Variants in PAPSS2 observed in about 807,000 individuals in gnomAD.
PAPSS2 encodes the protein 3'-phosphoadenosine 5'-phosphosulfate synthase 2.
PAPSS2 carries 61 observed loss-of-function variants against 66.5 expected under a neutral mutation model. That is an observed-to-expected ratio of 0.92 (90% confidence interval 0.75 to 1.14). PAPSS2 has a LOEUF of 1.14. Among genes scored for constraint, PAPSS2 ranks in the 50% most tolerant of loss-of-function variants. The pLI is 0.00. For missense variants in PAPSS2, 708 were observed against 789.6 expected (o/e 0.90, Z 1.24); for synonymous variants, 289 against 287.5 (o/e 1.01, Z -0.05).
intron 1 of PAPSS2, among the ~76,000 whole-genome samples, chr10:87,689,901 C>T (rs1477570811): frequency 1.3e-5 from 2 of 152,032 alleles, no homozygotes; most frequent in African/African-American, 4.8e-5. Context: ...ATTGAAATAC[C>T]ATTGTTCATT....
chr10:87,674,528 A>C (rs573847606), intron 1 of PAPSS2, among the ~76,000 whole-genome samples: 2 of 152,188 alleles, frequency 1.3e-5, no homozygotes, highest in African/African-American at 4.8e-5. Context: ...GAAGACAGGC[A>C]ACAAACCACA....
chr10:87,664,422 T>C (rs1852790778), intron 1 of PAPSS2, among the ~76,000 whole-genome samples: 1 of 152,202 alleles, frequency 6.6e-6, no homozygotes, highest in Non-Finnish European at 1.5e-5. Flanking sequence ...TCTCCACCCT[T>C]CCTGTGCCTT....
chr10:87,684,466 C>T (rs565702569), intron 1 of PAPSS2, among the ~76,000 whole-genome samples: 7 of 152,340 alleles, frequency 4.6e-5, no homozygotes, highest in Non-Finnish European at 1.0e-4. Flanking sequence ...GTTCAGTTCA[C>T]AGTGTGACTT....
In PAPSS2 at chr10:87,701,404, TTCTC is replaced by T. The variant is rs60115570; in HGVS notation, c.28-7766_28-7763del. Reference sequence around the variant, plus strand: ...TCTTTCTTTCTTTCTTTCTCTTTCTTTCTCTCTCTCTCTCTCTCTCTCTCTCTCT... The same window carrying T: ...TCTTTCTTTCTTTCTTTCTCTTTCTTTCTCTCTCTCTCTCTCTCTCTCTCT... On this transcript the variant is annotated intron_variant, in intron 1 of 12. Transcript: ENST00000456849. Among the ~76,000 whole-genome samples, 537 of 57,844 alleles carry T rather than the reference TTCTC, an allele frequency of 9.3e-3. 25 individuals are homozygous for T. The highest frequency in any genetic ancestry group is 0.051 in the Admixed American group (215 of 4,188). 37.9% of individuals were successfully genotyped at this position (57,844 alleles called of 152,430 possible).
intron 9 of PAPSS2, among the ~76,000 whole-genome samples, chr10:87,728,966 T>C (rs144604058): frequency 7.2e-5 from 11 of 152,198 alleles, no homozygotes; most frequent in African/African-American, 2.6e-4. Flanking sequence ...ATTTTTATTT[T>C]TTAAAAATTT....
chr10:87,703,786 T>C (rs747387293), intron 1 of PAPSS2: 1 of 518,922 alleles, frequency 1.9e-6, no homozygotes, highest in Non-Finnish European at 3.8e-6. Context: ...TGCAAAATTG[T>C]CTTAGGGACC....
At chr10:87,714,702 C>A in intron 4 of PAPSS2, 43 bp from the exon 5 acceptor site, 1 of 1,082,558 alleles carries the variant, frequency 9.2e-7, no homozygotes, top group Non-Finnish European at 1.4e-6. Flanking sequence ...AAAGATTATT[C>A]TGTCAATACA....
At chr10:87,703,728 C>G (rs1853347770) in intron 1 of PAPSS2, 1 of 518,804 alleles carries the variant, frequency 1.9e-6, no homozygotes, top group Non-Finnish European at 3.8e-6. Context: ...CCGATGCATG[C>G]TACAGAGAGT....
At chr10:87,682,766 G>C (rs1853037740) in intron 1 of PAPSS2, among the ~76,000 whole-genome samples, 1 of 152,246 alleles carries the variant, frequency 6.6e-6, no homozygotes, top group South Asian at 2.1e-4. Flanking sequence ...TTCCTACATA[G>C]ATAGATGGAA....
intron 9 of PAPSS2, among the ~76,000 whole-genome samples, chr10:87,740,651 A>T (rs1226553079): frequency 6.6e-6 from 1 of 152,246 alleles, no homozygotes; most frequent in Non-Finnish European, 1.5e-5. Flanking sequence ...GTAGTATCAG[A>T]TAAGAATATC....
chr10:87,682,497 T>C (rs1478343286), intron 1 of PAPSS2, among the ~76,000 whole-genome samples: 6 of 152,328 alleles, frequency 3.9e-5, no homozygotes, highest in South Asian at 2.1e-4. Flanking sequence ...CCTTCTTGAA[T>C]TGGAGTGTTC....
chr10:87,660,159 A>G, intron 1 of PAPSS2, 151 bp downstream of exon 1: 2 of 792,542 alleles, frequency 2.5e-6, no homozygotes, highest in East Asian at 2.7e-5. Context: ...AGCAAGAGAA[A>G]GAGGCTCTGT....
intron 9 of PAPSS2, among the ~76,000 whole-genome samples, chr10:87,736,263 C>CTTTTTTTTTTTTTTTTTTTTTTT (rs10553485): frequency 9.7e-6 from 1 of 103,250 alleles, no homozygotes. Context: ...TTCTTTCTTT[C>CTTTTTTTTTTTTTTTTTTTTTTT]TTTTTTTTTT....
At chr10:87,672,707 A>G (rs1053073814) in intron 1 of PAPSS2, among the ~76,000 whole-genome samples, 2 of 152,184 alleles carry the variant, frequency 1.3e-5, no homozygotes, top group Non-Finnish European at 2.9e-5. Context: ...AGGTACAGTG[A>G]CAATGAGATA....
intron 3 of PAPSS2, 53 bp downstream of exon 3, chr10:87,713,363 G>A (rs1363529315): frequency 9.9e-6 from 10 of 1,007,212 alleles, no homozygotes; most frequent in Admixed American, 2.0e-5. Flanking sequence ...CACACACAGT[G>A]CAAGTGCTCT....
At chr10:87,711,480 A>T (rs1853461825) in intron 2 of PAPSS2, among the ~76,000 whole-genome samples, 1 of 152,210 alleles carries the variant, frequency 6.6e-6, no homozygotes, top group South Asian at 2.1e-4. Context: ...ACATGAGAGA[A>T]CACACCAGAG....
At chr10:87,670,953 C>G (rs557965198) in intron 1 of PAPSS2, among the ~76,000 whole-genome samples, 26 of 152,172 alleles carry the variant, frequency 1.7e-4, no homozygotes, top group Non-Finnish European at 2.4e-4. Context: ...AGGAAGGCAC[C>G]TTGTGTACCC....
chr10:87,742,841 C>T (rs1301281999), intron 10 of PAPSS2, among the ~76,000 whole-genome samples: 1 of 152,220 alleles, frequency 6.6e-6, no homozygotes, highest in Non-Finnish European at 1.5e-5. Context: ...TAGGCTGTCC[C>T]TAAGCAGCTT....
intron 8 of PAPSS2, among the ~76,000 whole-genome samples, chr10:87,724,239 A>T (rs894365262): frequency 1.1e-4 from 17 of 151,798 alleles, no homozygotes; most frequent in Non-Finnish European, 2.1e-4. Context: ...TCTTATTTAG[A>T]AACATTTCAA....
Sources: allele counts gnomAD v4.1 joint callset (sites outside exome capture counted in the v4.1 genomes callset), GRCh38; gene constraint gnomAD v4.1.1; transcripts MANE v1.5; gene names NCBI Gene and HGNC (gene_info 2026-07-23, HGNC 2026-07-21).